NDUFAB1: variants seen among roughly 807,000 people sequenced by gnomAD.
The protein encoded by NDUFAB1 is NADH:ubiquinone oxidoreductase subunit AB1.
A neutral mutation model predicts 16.1 loss-of-function variants in NDUFAB1; 5 were observed. The observed-to-expected ratio is 0.31, with a 90% confidence interval of 0.16 to 0.65. The LOEUF is 0.65. NDUFAB1 is among the 30% of genes least tolerant of loss of function. The pLI, the probability that NDUFAB1 is intolerant of heterozygous loss-of-function variation, is 0.77. For missense variants in NDUFAB1, 187 were observed against 205.3 expected (o/e 0.91, Z 0.54); for synonymous variants, 85 against 78.4 (o/e 1.08, Z -0.44).
chr16:23,593,184 A>G (rs1249126116), intron 1 of NDUFAB1, among the ~76,000 whole-genome samples: 1 of 152,172 alleles, frequency 6.6e-6, no homozygotes, highest in East Asian at 1.9e-4. Flanking sequence ...CTGTAGTCCC[A>G]GCTACTCAGG....
intron 1 of NDUFAB1, among the ~76,000 whole-genome samples, chr16:23,594,280 A>G (rs1203999789): frequency 6.6e-6 from 1 of 152,142 alleles, no homozygotes; most frequent in African/African-American, 2.4e-5. Context: ...GAACAGCAAC[A>G]CTGGCTTCAC....
At chr16:23,593,067 G>T (rs1260457009) in intron 1 of NDUFAB1, among the ~76,000 whole-genome samples, 2 of 152,216 alleles carry the variant, frequency 1.3e-5, no homozygotes, top group South Asian at 2.1e-4. Flanking sequence ...GGCTGAGGCA[G>T]GAGGATTGCT....
intron 4 of NDUFAB1, among the ~76,000 whole-genome samples, chr16:23,581,580 A>G (rs983176452): frequency 6.6e-6 from 1 of 152,102 alleles, no homozygotes. Context: ...GGGTCACTAA[A>G]AGCTAAAGAC....
intron 1 of NDUFAB1, among the ~76,000 whole-genome samples, chr16:23,591,718 G>C (rs59508459): frequency 6.6e-6 from 1 of 152,088 alleles, no homozygotes; most frequent in East Asian, 1.9e-4. Flanking sequence ...TTCCCTTCCA[G>C]ACACCCTAAG....
chr16:23,592,909 C>G (rs1173740430), intron 1 of NDUFAB1, among the ~76,000 whole-genome samples: 1 of 152,092 alleles, frequency 6.6e-6, no homozygotes, highest in African/African-American at 2.4e-5. Flanking sequence ...GGACTGGAGG[C>G]GGAGGTCTGG....
At chr16:23,581,586 A>G (rs1407269650) in intron 4 of NDUFAB1, among the ~76,000 whole-genome samples, 2 of 152,116 alleles carry the variant, frequency 1.3e-5, no homozygotes, top group Non-Finnish European at 2.9e-5. Context: ...CTAAAAGCTA[A>G]AGACTAAAAA....
At chr16:23,586,436 A>T (rs1597053924) in intron 2 of NDUFAB1, among the ~76,000 whole-genome samples, 1 of 151,798 alleles carries the variant, frequency 6.6e-6, no homozygotes, top group Non-Finnish European at 1.5e-5. Context: ...CCCGGGTTCA[A>T]GCAATTCTCT....
In NDUFAB1 at chr16:23,596,208, A is replaced by C. The variant is rs754279075; in HGVS notation, c.83T>G (p.Val28Gly). The C allele has an allele frequency of 1.2e-6, 2 of 1,609,954 alleles. No individual in the cohort carries two copies. Among genetic ancestry groups the C allele is most frequent in the South Asian group, 1.1e-5 (1 of 90,652 alleles). The change falls in exon 1 of 5, where the codon GTG becomes GGG. Residue 28 changes from valine to glycine, a missense_variant. By Grantham distance (109) the Val-to-Gly change is moderately radical. Around this residue, in one of 3 missense-constraint regions of NDUFAB1, gnomAD observed 135 missense variants for 129.4 expected, o/e 1.04. Transcript: ENST00000007516. Reference protein sequence around the residue: ...APLPRVRMLAVARPLSTALCS... With the variant: ...APLPRVRMLAGARPLSTALCS... ...GAGAGCGGTGCTGAGAGGCCGGGCC[A>C]CGGCCAGCATCCGGACCCGGGGCAG...
intron 1 of NDUFAB1, among the ~76,000 whole-genome samples, chr16:23,588,874 T>C (rs530495008): frequency 4.2e-4 from 64 of 151,420 alleles, no homozygotes; most frequent in South Asian, 2.1e-3. Context: ...GCTATTCAGG[T>C]AGCTGAGGCA....
intron 1 of NDUFAB1, among the ~76,000 whole-genome samples, chr16:23,590,091 G>GT (rs1308152051): frequency 2.0e-5 from 3 of 152,146 alleles, no homozygotes; most frequent in Non-Finnish European, 4.4e-5. Flanking sequence ...AAGACCCCTG[G>GT]TGAGGGTATA....
At chr16:23,583,007 CAG>C (rs1406013940) in intron 3 of NDUFAB1, among the ~76,000 whole-genome samples, 5 of 152,278 alleles carry the variant, frequency 3.3e-5, no homozygotes, top group African/African-American at 9.6e-5. Flanking sequence ...TTGGTGGAGA[CAG>C]GGTTTCGCTG....
intron 1 of NDUFAB1, among the ~76,000 whole-genome samples, chr16:23,589,146 G>A (rs987326924): frequency 6.7e-6 from 1 of 149,660 alleles, no homozygotes. Flanking sequence ...AAAAATATAA[G>A]TTAGCTGGGC....
chr16:23,591,000 G>A (rs1482624742), intron 1 of NDUFAB1: 1 of 151,962 alleles, frequency 6.6e-6, no homozygotes, highest in Non-Finnish European at 1.5e-5. Context: ...TCTTTCTTCA[G>A]CTCTCCAGTA....
At chr16:23,595,517 G>A (rs1966316865) in intron 1 of NDUFAB1, 3 of 453,542 alleles carry the variant, frequency 6.6e-6, no homozygotes, top group South Asian at 4.7e-5. Context: ...TACTGGTCGC[G>A]TTTGGTTGAA....
chr16:23,593,157 G>C (rs771448723), intron 1 of NDUFAB1, among the ~76,000 whole-genome samples: 1 of 152,168 alleles, frequency 6.6e-6, no homozygotes, highest in African/African-American at 2.4e-5. Flanking sequence ...CAAAAAATTA[G>C]GGGTGGTGGC....
Position 23,592,254 on chromosome 16 carries a change from G to A in NDUFAB1, c.168+3869C>T, listed in dbSNP as rs77944049. Among the ~76,000 whole-genome samples, 1,490 of 151,904 alleles carry A rather than the reference G, an allele frequency of 9.8e-3. 13 individuals are homozygous for A. Among genetic ancestry groups the A allele is most frequent in the Middle Eastern group, 0.068 (20 of 292 alleles). ...AGCTAGTCAAGGGACTGAGGCAGAA[G>A]GATTGCTTGAGCCCAGGAGTTTGAA... On this transcript the variant is annotated intron_variant, in intron 1 of 4. Transcript: ENST00000007516.
chr16:23,587,202 C>A lies in NDUFAB1; in HGVS notation c.286G>T (p.Glu96Ter). The change falls in exon 2 of 5, where the codon GAG becomes TAG. Residue 96 changes from glutamate to a stop codon, truncating the protein, a stop_gained. Transcript: ENST00000007516. LOFTEE classifies it high-confidence loss of function. The stretch of plus-strand genomic sequence containing the variant: ...TTCAAACCACCATCAGTTACCTTCT[C>A]TGGGTCAATCTTGTCATAGAGTTTC... ...VLKLYDKIDP[E>*]KLSVNSHFMK... 6.2e-7 allele frequency: 1 copy of A among 1,612,784 alleles called. No homozygotes were observed. Among genetic ancestry groups the A allele is most frequent in the Non-Finnish European group, 8.5e-7 (1 of 1,179,476 alleles).
At chr16:23,588,794 A>T (rs958259034) in intron 1 of NDUFAB1, among the ~76,000 whole-genome samples, 4 of 152,124 alleles carry the variant, frequency 2.6e-5, no homozygotes, top group Non-Finnish European at 5.9e-5. Context: ...CCTGGCCAAC[A>T]TGGTGAAGCC....
intron 1 of NDUFAB1, among the ~76,000 whole-genome samples, chr16:23,594,384 G>C (rs900237546): frequency 6.6e-6 from 1 of 151,866 alleles, no homozygotes; most frequent in African/African-American, 2.4e-5. Context: ...TATTTAAGAC[G>C]GTCTGCCTCC....
Sources: gnomAD v4.1 joint callset for allele counts (sites outside exome capture counted in the v4.1 genomes callset) on GRCh38, gnomAD v4.1.1 for gene constraint, gnomAD v4.1.1 regional missense constraint, MANE v1.5 for transcripts, NCBI Gene and HGNC (gene_info 2026-07-23, HGNC 2026-07-21) for gene names.